CSMD1: variants seen among roughly 807,000 people sequenced by gnomAD.
CSMD1 encodes the protein CUB and Sushi multiple domains 1, also known as CUB and sushi domain-containing protein 1.
A neutral mutation model predicts 417.5 loss-of-function variants in CSMD1; 213 were observed. The observed-to-expected ratio is 0.51, with a 90% CI of 0.46 to 0.57. The LOEUF (loss-of-function observed/expected upper bound fraction) is 0.57, where lower values mean the gene tolerates loss of function less well. CSMD1 is among the 20% of genes least tolerant of loss of function. The pLI is 0.00. For synonymous variants in CSMD1, 2,862 were observed against 1,736.8 expected, an observed-to-expected ratio of 1.65 and a Z score of -16.11; for missense variants, 6,923 against 4,529.7, an observed-to-expected ratio of 1.53 and a Z score of -15.17.
rs545182055 is a variant in CSMD1 at position 3,217,424 on chromosome 8, T to C, written c.4672+1831A>G. On this transcript the variant is annotated intron_variant, in intron 29 of 69. Coordinates refer to ENST00000635120, the MANE Select transcript of CSMD1 (RefSeq NM_033225.6). ...ATTCATTCGTTGGCCCATTTATTCA[T>C]GTGCCTTAGGATGCCGGGGAGAACA... Among the ~76,000 whole-genome samples the C allele has an allele frequency of 2.6e-5, 4 of 152,342 alleles. No individual in the cohort carries two copies. In the East Asian group the frequency reaches 5.8e-4, roughly 22 times the overall value.
At chr8:3,899,978 T>A (rs2129132789) in intron 5 of CSMD1, among the ~76,000 whole-genome samples, 1 of 152,384 alleles carries the variant, frequency 6.6e-6, no homozygotes, top group South Asian at 2.1e-4. Context: ...CTGGGCTTGT[T>A]GAGCTGCAGC....
intron 3 of CSMD1, among the ~76,000 whole-genome samples, chr8:4,105,272 A>G (rs1801509674): frequency 6.6e-6 from 1 of 152,192 alleles, no homozygotes; most frequent in African/African-American, 2.4e-5. Flanking sequence ...TTCAACTGTA[A>G]GGTGGAATTT....
rs34791623 is a variant in CSMD1, at chr8:4,510,390, T to TAAA, written c.303-90328_303-90326dup. On this transcript the variant is annotated intron_variant, in intron 2 of 69. Coordinates refer to ENST00000635120, the MANE Select transcript of CSMD1 (RefSeq NM_033225.6). Reference sequence around the variant, plus strand: ...GTAGACAATTAAAAAGCATAATGCCTAAAAAAAAAAAAAAAAAAAAAAAAA... The same window carrying TAAA: ...GTAGACAATTAAAAAGCATAATGCCTAAAAAAAAAAAAAAAAAAAAAAAAAAAA... Among the ~76,000 whole-genome samples, 97 of 54,620 alleles carry TAAA rather than the reference T, an allele frequency of 1.8e-3. 7 individuals are homozygous for TAAA. Among genetic ancestry groups the TAAA allele is most frequent in the African/African-American group, 6.3e-3 (81 of 12,946 alleles). 35.8% of individuals were successfully genotyped at this position (54,620 alleles called of 152,430 possible). A position where few individuals can be genotyped will look rare whatever the true frequency, so the allele number is the denominator to read the frequency against.
chr8:3,781,188 G>A (rs923029778), intron 5 of CSMD1, among the ~76,000 whole-genome samples: 1 of 152,180 alleles, frequency 6.6e-6, no homozygotes, highest in South Asian at 2.1e-4. Flanking sequence ...TTAACTCACA[G>A]TACAAAGTGA....
intron 1 of CSMD1, among the ~76,000 whole-genome samples, chr8:4,799,143 A>C (rs1165002996): frequency 2.0e-5 from 3 of 152,168 alleles, no homozygotes; most frequent in Admixed American, 6.5e-5. Flanking sequence ...AACTCAATAC[A>C]TGAGAGATGT....
chr8:4,004,225 C>A (rs1037244991), intron 4 of CSMD1, among the ~76,000 whole-genome samples: 1 of 151,972 alleles, frequency 6.6e-6, no homozygotes, highest in African/African-American at 2.4e-5. Context: ...CTCCTTCAAT[C>A]TTTTGTCAAG....
At chr8:3,003,391 C>G (rs1195506568) in intron 52 of CSMD1, among the ~76,000 whole-genome samples, 1 of 152,016 alleles carries the variant, frequency 6.6e-6, no homozygotes. Context: ...ACCTAGAAAG[C>G]CTCTCTGTCT....
chr8:4,710,240 G>T (rs1333797610), intron 1 of CSMD1, among the ~76,000 whole-genome samples: 1 of 151,680 alleles, frequency 6.6e-6, no homozygotes, highest in Non-Finnish European at 1.5e-5. Flanking sequence ...AAGGTACTAT[G>T]AAATACATAT....
chr8:4,216,491 T>C (rs1006231616), intron 3 of CSMD1, among the ~76,000 whole-genome samples: 2 of 152,206 alleles, frequency 1.3e-5, no homozygotes, highest in African/African-American at 2.4e-5. Context: ...TACTCATTAA[T>C]AGAATTAGTG....
intron 5 of CSMD1, among the ~76,000 whole-genome samples, chr8:3,942,786 T>C (rs1440649695): frequency 6.6e-6 from 1 of 152,190 alleles, no homozygotes; most frequent in Non-Finnish European, 1.5e-5. Flanking sequence ...AAACAGTTAC[T>C]GGGATAAGAA....
chr8:3,398,497 G>A (rs1811835773), intron 16 of CSMD1, among the ~76,000 whole-genome samples: 2 of 152,110 alleles, frequency 1.3e-5, no homozygotes, highest in Non-Finnish European at 2.9e-5. Context: ...CCTTTCCTGT[G>A]TTGATGTTAG....
chr8:4,253,907 C>CTT (rs147795407), intron 3 of CSMD1, among the ~76,000 whole-genome samples: 51 of 80,968 alleles, frequency 6.3e-4, no homozygotes, highest in African/African-American at 2.0e-3. Context: ...TTCCTTCCAT[C>CTT]TTTTTTTTTT....
chr8:3,126,601 C>G (rs1817525915), intron 41 of CSMD1, among the ~76,000 whole-genome samples: 2 of 152,316 alleles, frequency 1.3e-5, no homozygotes, highest in African/African-American at 4.8e-5. Context: ...CAGAAGCTCA[C>G]CAATTTCCCA....
chr8:3,272,961 A>G (rs936157985), intron 26 of CSMD1, among the ~76,000 whole-genome samples: 2 of 150,016 alleles, frequency 1.3e-5, no homozygotes, highest in African/African-American at 2.5e-5. Context: ...AGAACTTCCA[A>G]CACTATGTTG....
intron 2 of CSMD1, among the ~76,000 whole-genome samples, chr8:4,595,334 GTCGAT>G (rs1009719955): frequency 1.1e-4 from 7 of 66,652 alleles, no homozygotes; most frequent in Non-Finnish European, 3.1e-4. Flanking sequence ...GGATAATCAT[GTCGAT>G]TCAACAATTT....
intron 5 of CSMD1, among the ~76,000 whole-genome samples, chr8:3,850,296 G>C (rs61503086): frequency 6.6e-6 from 1 of 152,096 alleles, no homozygotes; most frequent in African/African-American, 2.4e-5. Flanking sequence ...TCTCTATTTT[G>C]GTTTCAATAG....
intron 1 of CSMD1, among the ~76,000 whole-genome samples, chr8:4,656,252 A>C (rs1193625729): frequency 2.0e-5 from 3 of 152,012 alleles, no homozygotes; most frequent in Non-Finnish European, 2.9e-5. Flanking sequence ...CCAGACTTTC[A>C]GGGGGCAGTA....
At chr8:4,308,002 A>T (rs1009950993) in intron 3 of CSMD1, among the ~76,000 whole-genome samples, 3 of 152,142 alleles carry the variant, frequency 2.0e-5, no homozygotes, top group Non-Finnish European at 4.4e-5. Context: ...GCTGGGATGT[A>T]AACAGTGATG....
At chr8:4,100,292 T>C (rs1172184330) in intron 3 of CSMD1, among the ~76,000 whole-genome samples, 1 of 152,166 alleles carries the variant, frequency 6.6e-6, no homozygotes, top group African/African-American at 2.4e-5. Context: ...TTGTATCTTA[T>C]TAGTATCTTT....
Sources: allele counts gnomAD v4.1 joint callset (sites outside exome capture counted in the v4.1 genomes callset), GRCh38; gene constraint gnomAD v4.1.1; transcripts MANE v1.5; gene names NCBI Gene and HGNC (gene_info 2026-07-23, HGNC 2026-07-21).